Variants in ZNF782 observed in about 807,000 individuals in gnomAD.
ZNF782 encodes zinc finger protein 782.
A neutral mutation model predicts 13.0 loss-of-function variants in ZNF782; 12 were observed. The observed-to-expected ratio is 0.92, with a 90% confidence interval of 0.59 to 1.50. ZNF782 has a LOEUF of 1.50. Among genes scored for constraint, ZNF782 ranks in the 40% most tolerant of loss-of-function variants. The probability of loss-of-function intolerance (pLI) is 0.00; values close to 1 mark genes in which losing one functional copy is unlikely to be tolerated. For synonymous variants in ZNF782, 284 were observed against 283.0 expected (o/e 1.00, Z -0.04); for missense variants, 770 against 822.9 (o/e 0.94, Z 0.79).
At chr9:96,855,488 T>G (rs979880787), upstream of ZNF782, among the ~76,000 whole-genome samples, 3 of 152,258 alleles carry the variant, frequency 2.0e-5, no homozygotes, top group African/African-American at 7.2e-5. Flanking sequence ...AGCTCCCACT[T>G]ATGAGTGAGA....
the ZNF782 span, among the ~76,000 whole-genome samples, chr9:96,922,537 C>G: frequency 2.4e-3 from 367 of 151,772 alleles, no homozygotes; most frequent in African/African-American, 8.7e-3. Context: ...CTTTGGGAGG[C>G]CGAGGCAGGC....
the ZNF782 span, among the ~76,000 whole-genome samples, chr9:96,906,159 T>C: frequency 3.9e-5 from 6 of 152,250 alleles, no homozygotes; most frequent in African/African-American, 1.4e-4. Flanking sequence ...TGGGTGTATA[T>C]TAATAATAAT....
chr9:96,913,039 C>A, the ZNF782 span, among the ~76,000 whole-genome samples: 3 of 151,440 alleles, frequency 2.0e-5, no homozygotes, highest in Non-Finnish European at 4.4e-5. Context: ...TATGGCTAGG[C>A]ACGGTGGCTC....
In ZNF782 at chr9:96,818,071, C is replaced by A. The variant is rs1187711693; in HGVS notation, c.1952G>T (p.Cys651Phe). ...GGATTTCTGACTGAAAGCTTCCCCA[C>A]ACTGATTACAATTATATGGTTTCTC... ...TGEKPYNCNQ[C>F]GEAFSQKSNL... Residue 651 changes from cysteine to phenylalanine, a missense_variant, in exon 6 of 6, where the codon TGT becomes TTT. Physicochemically the swap from Cys to Phe is radical, Grantham distance 205 (BLOSUM62 -2). Coordinates refer to ENST00000481138, the MANE Select transcript of ZNF782 (RefSeq NM_001001662.3). 1 of 1,613,864 alleles carries A rather than the reference C, an allele frequency of 6.2e-7. No individual in the cohort carries two copies.
At chr9:96,830,633 G>A (rs1413093270) in intron 4 of ZNF782, among the ~76,000 whole-genome samples, 1 of 152,160 alleles carries the variant, frequency 6.6e-6, no homozygotes, top group Non-Finnish European at 1.5e-5. Flanking sequence ...TGCTACATGA[G>A]AAGATTTAAA....
chr9:96,839,928 T>A (rs1319457220), intron 4 of ZNF782, among the ~76,000 whole-genome samples: 1 of 152,198 alleles, frequency 6.6e-6, no homozygotes, highest in African/African-American at 2.4e-5. Flanking sequence ...GATGTACATT[T>A]GGGTTGTTGA....
chr9:96,866,383 G>T (rs1043762295), intron 1 of ZNF782, among the ~76,000 whole-genome samples: 2 of 152,220 alleles, frequency 1.3e-5, no homozygotes, highest in Non-Finnish European at 2.9e-5. Context: ...CCAAGCCTTG[G>T]AAGCTTTTAT....
intron 1 of ZNF782, among the ~76,000 whole-genome samples, chr9:96,865,411 C>T (rs753219067): frequency 1.3e-5 from 2 of 152,182 alleles, no homozygotes; most frequent in East Asian, 1.9e-4. Context: ...TACACAAGCT[C>T]GTCTGTTTGC....
At chr9:96,922,219 T>C in the ZNF782 span, among the ~76,000 whole-genome samples, 1 of 151,692 alleles carries the variant, frequency 6.6e-6, no homozygotes, top group Non-Finnish European at 1.5e-5. Context: ...TACAACATAA[T>C]TGTTACATCA....
chr9:96,872,200 G>C (rs2118888252), intron 1 of ZNF782, among the ~76,000 whole-genome samples: 1 of 152,246 alleles, frequency 6.6e-6, no homozygotes, highest in South Asian at 2.1e-4. Flanking sequence ...TATTTCTCAT[G>C]TTTACATTAA....
At chr9:96,887,286 AAAGGAAGGAAGGAAGGAAGG>A in the ZNF782 span, 8,889 of 121,912 alleles carry the variant, frequency 0.073, 387 homozygotes, top group Non-Finnish European at 0.1. Flanking sequence ...TGCAAAAAAG[AAAGGAAGGAAGGAAGGAAGG>A]AAGGAAGGAA....
chr9:96,870,137 G>C (rs1768222785), intron 1 of ZNF782, among the ~76,000 whole-genome samples: 1 of 152,132 alleles, frequency 6.6e-6, no homozygotes, highest in Non-Finnish European at 1.5e-5. Flanking sequence ...AGCCAAAATA[G>C]CTGTTACTGA....
At chr9:96,836,905 A>G (rs1851020707) in intron 4 of ZNF782, among the ~76,000 whole-genome samples, 1 of 152,122 alleles carries the variant, frequency 6.6e-6, no homozygotes, top group Non-Finnish European at 1.5e-5. Context: ...CTCTTTGCAC[A>G]TGGCCCCTCC....
chr9:96,859,172 G>T (rs1851676497), upstream of ZNF782, among the ~76,000 whole-genome samples: 1 of 152,178 alleles, frequency 6.6e-6, no homozygotes, highest in Admixed American at 6.5e-5. Flanking sequence ...AGTACTCGGG[G>T]TCCTTAATAA....
At chr9:96,897,299 C>G in the ZNF782 span, among the ~76,000 whole-genome samples, 13 of 152,188 alleles carry the variant, frequency 8.5e-5, no homozygotes, top group African/African-American at 2.9e-4. Flanking sequence ...CCTGTTGTGG[C>G]TCTTTTCATA....
chr9:96,926,648 TC>T, the ZNF782 span, among the ~76,000 whole-genome samples: 1 of 151,812 alleles, frequency 6.6e-6, no homozygotes, highest in East Asian at 2.0e-4. Flanking sequence ...AACCGAGAAC[TC>T]ATGAGGATAT....
At chr9:96,833,813 T>C (rs1402810624) in intron 4 of ZNF782, among the ~76,000 whole-genome samples, 4 of 152,178 alleles carry the variant, frequency 2.6e-5, no homozygotes, top group Non-Finnish European at 5.9e-5. Context: ...CTATTCTCTC[T>C]TATTTATTCA....
chr9:96,897,537 C>T, the ZNF782 span, among the ~76,000 whole-genome samples: 3 of 152,000 alleles, frequency 2.0e-5, no homozygotes, highest in East Asian at 1.9e-4. Context: ...CACAGGCACA[C>T]GTCTGCTGTG....
intron 4 of ZNF782, among the ~76,000 whole-genome samples, chr9:96,829,247 G>A (rs1252891164): frequency 6.6e-6 from 1 of 151,856 alleles, no homozygotes. Flanking sequence ...GAAAAAAGAG[G>A]ATGAAAACAA....
Sources: gnomAD v4.1 joint callset for allele counts (sites outside exome capture counted in the v4.1 genomes callset) on GRCh38, gnomAD v4.1.1 for gene constraint, MANE v1.5 for transcripts, NCBI Gene and HGNC (gene_info 2026-07-23, HGNC 2026-07-21) for gene names.